Variants in NOS1AP observed in about 807,000 individuals in gnomAD.
The protein encoded by NOS1AP is carboxyl-terminal PDZ ligand of neuronal nitric oxide synthase protein.
A neutral mutation model predicts 56.2 loss-of-function variants in NOS1AP; 21 were observed. The ratio of observed to expected loss-of-function variants is 0.37; its 90% CI spans 0.26 to 0.54. The LOEUF (loss-of-function observed/expected upper bound fraction) is 0.54. Ranked by LOEUF, NOS1AP falls within the 20% of genes least tolerant of loss-of-function variation. The probability of loss-of-function intolerance (pLI) is 0.84; values close to 1 mark genes in which losing one functional copy is unlikely to be tolerated. For synonymous variants in NOS1AP, 270 were observed against 274.6 expected, an observed-to-expected ratio of 0.98 and a Z score of 0.17; for missense variants, 522 against 657.8, an observed-to-expected ratio of 0.79 and a Z score of 2.26.
At chr1:162,280,926 A>C (rs1654903979) in intron 2 of NOS1AP, among the ~76,000 whole-genome samples, 1 of 152,172 alleles carries the variant, frequency 6.6e-6, no homozygotes, top group Non-Finnish European at 1.5e-5. Context: ...CAACAATACA[A>C]GACACATCAG....
chr1:162,109,045 G>C (rs1558102361), intron 1 of NOS1AP, among the ~76,000 whole-genome samples: 1 of 152,236 alleles, frequency 6.6e-6, no homozygotes, highest in Non-Finnish European at 1.5e-5. Flanking sequence ...TGGCAGGCAA[G>C]AGAGCTTGTG....
At chr1:162,270,412 A>T (rs1474663132) in intron 2 of NOS1AP, among the ~76,000 whole-genome samples, 1 of 152,238 alleles carries the variant, frequency 6.6e-6, no homozygotes, top group Admixed American at 6.5e-5. Context: ...AGAAAGAACC[A>T]TGTTCCAAGT....
intron 2 of NOS1AP, among the ~76,000 whole-genome samples, chr1:162,234,787 C>T (rs1222079244): frequency 6.6e-6 from 1 of 152,162 alleles, no homozygotes; most frequent in East Asian, 1.9e-4. Context: ...AGCTCCACAC[C>T]CACCCTCACT....
chr1:162,152,724 C>T (rs1342882841), intron 1 of NOS1AP, among the ~76,000 whole-genome samples: 7 of 152,072 alleles, frequency 4.6e-5, no homozygotes, highest in Non-Finnish European at 2.9e-5. Flanking sequence ...TTAGCACAAA[C>T]TGTTGATCAA....
At chr1:162,134,518 T>A (rs1198078214) in intron 1 of NOS1AP, among the ~76,000 whole-genome samples, 2 of 143,410 alleles carry the variant, frequency 1.4e-5, no homozygotes, top group African/African-American at 5.2e-5. Context: ...AAAACCGTAG[T>A]GCTGTAAATG....
intron 5 of NOS1AP, among the ~76,000 whole-genome samples, chr1:162,335,397 C>T (rs1656906950): frequency 6.6e-6 from 1 of 152,218 alleles, no homozygotes. Context: ...GCAAAGGATG[C>T]AGAACTGGGG....
intron 8 of NOS1AP, among the ~76,000 whole-genome samples, chr1:162,358,625 G>A (rs1187502278): frequency 2.0e-5 from 3 of 152,214 alleles, no homozygotes; most frequent in African/African-American, 7.2e-5. Context: ...TGGCACAGCA[G>A]TCTGAGAATC....
chr1:162,228,013 G>T (rs1652996062), intron 2 of NOS1AP, among the ~76,000 whole-genome samples: 1 of 152,096 alleles, frequency 6.6e-6, no homozygotes, highest in South Asian at 2.1e-4. Flanking sequence ...AATATGAAAA[G>T]ATCCAATTGG....
intron 2 of NOS1AP, among the ~76,000 whole-genome samples, chr1:162,231,429 G>A (rs1419904906): frequency 6.6e-6 from 1 of 152,152 alleles, no homozygotes; most frequent in Non-Finnish European, 1.5e-5. Flanking sequence ...TCTGTTCAGT[G>A]TGATGTCTTT....
At chr1:162,343,014 A>C (rs1657160282) in intron 5 of NOS1AP, among the ~76,000 whole-genome samples, 1 of 152,204 alleles carries the variant, frequency 6.6e-6, no homozygotes, top group South Asian at 2.1e-4. Flanking sequence ...GCAAAAGCTG[A>C]CATCTTCAAA....
At chr1:162,234,166 G>C (rs1260617363) in intron 2 of NOS1AP, among the ~76,000 whole-genome samples, 1 of 152,178 alleles carries the variant, frequency 6.6e-6, no homozygotes, top group Non-Finnish European at 1.5e-5. Context: ...TGGACAAGGG[G>C]GCATGGTATC....
rs150505867 is a variant in NOS1AP at position 162,284,187 on chromosome 1, C to A, written c.178-3157C>A. On this transcript the variant is annotated intron_variant, in intron 2 of 9. Transcript: ENST00000361897. ...ATTCATTTTCTCACCCCTCAGTGAA[C>A]ACAATAACATGTTGTCCAAGCAAAG... Among the ~76,000 whole-genome samples, 48 of 152,340 alleles carry A rather than the reference C, an allele frequency of 3.2e-4. 2 individuals are homozygous for A. Among genetic ancestry groups the A allele is most frequent in the African/African-American group, 1.1e-3 (47 of 41,590 alleles).
intron 2 of NOS1AP, among the ~76,000 whole-genome samples, chr1:162,159,456 C>A (rs1571077619): frequency 1.3e-5 from 2 of 152,200 alleles, no homozygotes; most frequent in Admixed American, 1.3e-4. Context: ...CATTTTTATG[C>A]CTTCCTTTGG....
chr1:162,217,266 G>GGTTTTTTTTTTTTTT (rs1557836281), intron 2 of NOS1AP, among the ~76,000 whole-genome samples: 2 of 18,290 alleles, frequency 1.1e-4, no homozygotes, highest in African/African-American at 1.5e-4. Context: ...GCTGTTGTTA[G>GGTTTTTTTTTTTTTT]CTTTTTTTTT....
intron 1 of NOS1AP, among the ~76,000 whole-genome samples, chr1:162,073,206 T>C (rs1426154296): frequency 2.6e-5 from 4 of 152,246 alleles, no homozygotes; most frequent in African/African-American, 9.6e-5. Flanking sequence ...TCCTTATGTC[T>C]ATTTTATAAA....
chr1:162,193,555 TG>T (rs1202700628), intron 2 of NOS1AP, among the ~76,000 whole-genome samples: 1 of 152,188 alleles, frequency 6.6e-6, no homozygotes, highest in African/African-American at 2.4e-5. Flanking sequence ...GGATTATTTT[TG>T]CTTCCTTTTC....
At chr1:162,290,034 A>T (rs1655238952) in intron 3 of NOS1AP, among the ~76,000 whole-genome samples, 1 of 152,076 alleles carries the variant, frequency 6.6e-6, no homozygotes, top group African/African-American at 2.4e-5. Context: ...ACCTGGAGAG[A>T]AGCCTCCCTG....
chr1:162,117,564 A>AC (rs147421409), intron 1 of NOS1AP, among the ~76,000 whole-genome samples: 4,712 of 152,250 alleles, frequency 0.031, 233 homozygotes, highest in African/African-American at 0.11. Context: ...ACTTCCTGCT[A>AC]CCCCTCAGCT....
intron 1 of NOS1AP, among the ~76,000 whole-genome samples, chr1:162,130,021 G>A (rs1648679979): frequency 6.6e-6 from 1 of 152,094 alleles, no homozygotes; most frequent in Non-Finnish European, 1.5e-5. Flanking sequence ...TTTCACTAAG[G>A]GAGATGCTGT....
Sources: gnomAD v4.1 joint callset for allele counts (sites outside exome capture counted in the v4.1 genomes callset) on GRCh38, gnomAD v4.1.1 for gene constraint, MANE v1.5 for transcripts, NCBI Gene and HGNC (gene_info 2026-07-23, HGNC 2026-07-21) for gene names.